Variants in TUBB6 observed in about 807,000 individuals in gnomAD.
TUBB6 encodes the protein tubulin beta-6 chain.
Under a neutral mutation model 32.3 loss-of-function variants are expected in TUBB6, and 18 were observed. The observed-to-expected ratio is 0.56, with a 90% confidence interval of 0.39 to 0.83. TUBB6 has a LOEUF of 0.83. Among genes scored for constraint, TUBB6 ranks in the 40% least tolerant of loss-of-function variants. TUBB6 has a pLI of 0.00. For synonymous variants in TUBB6, 280 were observed against 265.8 expected, an observed-to-expected ratio of 1.05 and a Z score of -0.52; for missense variants, 480 against 632.0, an observed-to-expected ratio of 0.76 and a Z score of 2.58.
intron 3 of TUBB6, among the ~76,000 whole-genome samples, chr18:12,316,457 T>A (rs566376413): frequency 6.6e-6 from 1 of 152,372 alleles, no homozygotes; most frequent in South Asian, 2.1e-4. Flanking sequence ...CGAAATTGCT[T>A]CTTGCATCTT....
chr18:12,315,890 A>AT (rs1239339545), intron 3 of TUBB6, among the ~76,000 whole-genome samples: 6 of 152,236 alleles, frequency 3.9e-5, no homozygotes, highest in Admixed American at 1.3e-4. Context: ...AATGGGTAGT[A>AT]GGTGTGTAGA....
chr18:12,321,069 A>G (rs1906963067), intron 3 of TUBB6, among the ~76,000 whole-genome samples: 1 of 152,164 alleles, frequency 6.6e-6, no homozygotes, highest in Non-Finnish European at 1.5e-5. Flanking sequence ...GTTTAGCATT[A>G]TTTCCAGTAC....
chr18:12,311,098 T>A, intron 3 of TUBB6, 45 bp downstream of exon 3: 1 of 1,467,054 alleles, frequency 6.8e-7, no homozygotes, highest in Non-Finnish European at 9.4e-7. Flanking sequence ...TTTATTTTTT[T>A]AAATCAAATA....
chr18:12,324,880 T>C, intron 3 of TUBB6, 187 bp from the exon 4 acceptor site: 1 of 1,408,896 alleles, frequency 7.1e-7, no homozygotes, highest in Admixed American at 2.9e-5. Context: ...GTAGCTACTT[T>C]GACTTGCCTA....
downstream of TUBB6, among the ~76,000 whole-genome samples, chr18:12,327,625 G>C (rs369353603): frequency 2.6e-5 from 4 of 152,206 alleles, no homozygotes; most frequent in African/African-American, 4.8e-5. Flanking sequence ...ACCGTGGAAA[G>C]ATCTATGCAT....
intron 3 of TUBB6, chr18:12,324,852 C>T (rs1216334017): frequency 7.2e-7 from 1 of 1,385,946 alleles, no homozygotes; most frequent in African/African-American, 1.4e-5. Context: ...AATGTATATA[C>T]ATCTTTAAAA....
At chr18:12,309,202 T>A (rs1460703943) in intron 2 of TUBB6, among the ~76,000 whole-genome samples, 2 of 88,856 alleles carry the variant, frequency 2.3e-5, no homozygotes, top group African/African-American at 8.8e-5. Flanking sequence ...CCCGCCCCGA[T>A]CTCTACAACA....
intron 3 of TUBB6, among the ~76,000 whole-genome samples, chr18:12,311,372 C>T (rs762795127): frequency 2.6e-5 from 4 of 152,118 alleles, no homozygotes; most frequent in African/African-American, 7.2e-5. Flanking sequence ...CCAAGACGAG[C>T]GGATCACGAG....
chr18:12,324,087 G>C (rs1407819034), intron 3 of TUBB6, among the ~76,000 whole-genome samples: 2 of 152,128 alleles, frequency 1.3e-5, no homozygotes. Context: ...TAAAATACTT[G>C]GGCCGGGCGC....
At chr18:12,315,660 TCA>T (rs1329539145) in intron 3 of TUBB6, among the ~76,000 whole-genome samples, 1 of 152,226 alleles carries the variant, frequency 6.6e-6, no homozygotes, top group Non-Finnish European at 1.5e-5. Context: ...ACGCCAGGAC[TCA>T]CGCATAGAGG....
chr18:12,321,527 G>C (rs1208940148), intron 3 of TUBB6, among the ~76,000 whole-genome samples: 1 of 152,198 alleles, frequency 6.6e-6, no homozygotes, highest in African/African-American at 2.4e-5. Flanking sequence ...GCAGCTCTCA[G>C]AGGCAGCCTT....
downstream of TUBB6, among the ~76,000 whole-genome samples, chr18:12,328,160 G>A (rs1245000045): frequency 6.6e-6 from 1 of 152,258 alleles, no homozygotes; most frequent in East Asian, 1.9e-4. Flanking sequence ...CCGGGGACAG[G>A]TGGGTATCTC....
rs1198654154 is a variant in TUBB6, at chr18:12,326,330, CAG to C, written c.*202_*203del. The C allele has an allele frequency of 1.3e-6, 1 of 749,102 alleles. No individual in the cohort carries two copies. The highest frequency in any genetic ancestry group is 2.8e-5 in the East Asian group (1 of 35,502). 46.4% of individuals were successfully genotyped at this position (749,102 alleles called of 1,614,324 possible). A position where few individuals can be genotyped will look rare whatever the true frequency, so the allele number is the denominator to read the frequency against. On this transcript the variant is annotated 3_prime_UTR_variant, in exon 4 of 4. Coordinates refer to ENST00000317702, the MANE Select transcript of TUBB6 (RefSeq NM_032525.3). ...CAGAGAATTGCGGGTTCTACCCAGT[CAG>C]AAGATCACACCATGGAGACTTTCTA...
downstream of TUBB6, chr18:12,329,801 T>A (rs746404423): frequency 6.3e-7 from 1 of 1,592,022 alleles, no homozygotes; most frequent in East Asian, 2.2e-5. Flanking sequence ...ATGAACAATT[T>A]TCATTAAATA....
At chr18:12,309,344 C>G (rs1362690621) in intron 2 of TUBB6, among the ~76,000 whole-genome samples, 1 of 149,854 alleles carries the variant, frequency 6.7e-6, no homozygotes, top group Non-Finnish European at 1.5e-5. Flanking sequence ...CAGAGCGAGA[C>G]CCTGTTAGAA....
rs564186379 is a variant in TUBB6 at position 12,308,669 on chromosome 18, C to G, written c.58-18C>G. 7 of 1,562,452 alleles carry G rather than the reference C, an allele frequency of 4.5e-6. No individual in the cohort carries two copies. The highest frequency in any genetic ancestry group is 4.5e-5 in the East Asian group (2 of 44,394). On this transcript the variant is annotated intron_variant, in intron 1 of 3. Transcript: ENST00000317702. ...TCTGGGTTCTGAGCGTCTGTCCCCC[C>G]GCCTTGCCCTGCCCAAGTTTTGGGA...
In TUBB6 at chr18:12,324,752, G is replaced by A. The variant is rs973724101; in HGVS notation, c.278-315G>A. On this transcript the variant is annotated intron_variant, in intron 3 of 3. Coordinates refer to ENST00000317702, the MANE Select transcript of TUBB6 (RefSeq NM_032525.3). ...AGGCATGAGCCACGGCGCCCGGCCA[G>A]TAACTTATTTTTTTAATGTATACCT... 16 of 1,261,802 alleles carry A rather than the reference G, an allele frequency of 1.3e-5. No homozygotes were observed. The Admixed American group carries it at 2.6e-4, about 20-fold the overall frequency. The allele number at this position is 1,261,802 out of a possible 1,614,324, so 78.2% of individuals were successfully genotyped here.
At chr18:12,317,166 A>G (rs1425153738) in intron 3 of TUBB6, among the ~76,000 whole-genome samples, 1 of 151,960 alleles carries the variant, frequency 6.6e-6, no homozygotes, top group South Asian at 2.1e-4. Context: ...AAAAAAAAAA[A>G]AAAAGAAAAC....
chr18:12,325,704 G>A lies in TUBB6; in HGVS notation c.915G>A (p.Pro305=), dbSNP rs145635323. 1.1e-3 allele frequency: 1,765 copies of A among 1,614,138 alleles called. 8 individuals are homozygous for A. The Middle Eastern group carries it at 0.021, about 19-fold the overall frequency. The change falls in exon 4 of 4, where the codon CCG becomes CCA. Residue 305 remains proline, a synonymous_variant. Coordinates refer to ENST00000317702, the MANE Select transcript of TUBB6 (RefSeq NM_032525.3). Reference sequence around the variant, plus strand: ...GGAACATGATGGCCGCCTGCGATCCGCGCCATGGCCGCTACCTGACCGTGG... The same window carrying A: ...GGAACATGATGGCCGCCTGCGATCCACGCCATGGCCGCTACCTGACCGTGG... ...DARNMMAACD[P]RHGRYLTVAT...
Sources: allele counts gnomAD v4.1 joint callset (sites outside exome capture counted in the v4.1 genomes callset), GRCh38; gene constraint gnomAD v4.1.1; transcripts MANE v1.5; gene names NCBI Gene and HGNC (gene_info 2026-07-23, HGNC 2026-07-21).